Variants in METAP2 observed in about 807,000 individuals in gnomAD.
METAP2 encodes the protein methionyl aminopeptidase 2.
Under a neutral mutation model 59.4 loss-of-function variants are expected in METAP2, and 25 were observed. The ratio of observed to expected loss-of-function variants is 0.42; its 90% CI spans 0.31 to 0.59. The LOEUF (loss-of-function observed/expected upper bound fraction) is 0.59. Among genes scored for constraint, METAP2 ranks in the 20% least tolerant of loss-of-function variants. The pLI, the probability that METAP2 is intolerant of heterozygous loss-of-function variation, is 0.16. For missense variants in METAP2, 366 were observed against 581.2 expected (o/e 0.63, Z 3.81); for synonymous variants, 214 against 194.1 (o/e 1.10, Z -0.85).
intron 2 of METAP2, among the ~76,000 whole-genome samples, chr12:95,480,312 C>T (rs2076149424): frequency 6.6e-6 from 1 of 152,152 alleles, no homozygotes; most frequent in Admixed American, 6.5e-5. Flanking sequence ...CAGTTTTGGT[C>T]TGTTGTGAAC....
intron 2 of METAP2, among the ~76,000 whole-genome samples, chr12:95,476,944 A>G (rs1182512439): frequency 1.3e-5 from 2 of 152,008 alleles, no homozygotes; most frequent in African/African-American, 4.8e-5. Flanking sequence ...ATTTATTTTG[A>G]CTTTACCCAG....
At chr12:95,481,267 C>T (rs1169047316) in intron 2 of METAP2, among the ~76,000 whole-genome samples, 1 of 152,076 alleles carries the variant, frequency 6.6e-6, no homozygotes, top group African/African-American at 2.4e-5. Flanking sequence ...AAACATTAGC[C>T]AGGTATAGTG....
intron 2 of METAP2, among the ~76,000 whole-genome samples, chr12:95,482,438 T>G (rs1454720892): frequency 6.6e-6 from 1 of 152,122 alleles, no homozygotes; most frequent in African/African-American, 2.4e-5. Context: ...TACTGTTCTC[T>G]TCTGCCTGCT....
At position 95,504,061 on chromosome 12, in the gene METAP2, T is replaced by A. The variant is rs758593631; in HGVS notation, c.868-4T>A. On this transcript the variant is annotated splice_region_variant and splice_polypyrimidine_tract_variant and intron_variant, in intron 7 of 10. Coordinates refer to ENST00000323666, the MANE Select transcript of METAP2 (RefSeq NM_006838.4). ...TAATAAAGCATATGTTACTCTTTTT[T>A]TAGTGTGCTGGAATTGATGTTCGTC... is the stretch of plus-strand genomic sequence containing the variant. 4.4e-6 allele frequency: 7 copies of A among 1,608,792 alleles called. No homozygotes were observed. The Admixed American group carries it at 1.2e-4, about 27-fold the overall frequency.
At chr12:95,492,193 G>A (rs1316548634) in intron 4 of METAP2, among the ~76,000 whole-genome samples, 2 of 151,692 alleles carry the variant, frequency 1.3e-5, no homozygotes, top group Non-Finnish European at 2.9e-5. Flanking sequence ...TGGAGACAGG[G>A]TCCCACTGTG....
At chr12:95,502,201 T>C (rs1366591354) in intron 7 of METAP2, among the ~76,000 whole-genome samples, 1 of 152,010 alleles carries the variant, frequency 6.6e-6, no homozygotes, top group Non-Finnish European at 1.5e-5. Context: ...GATGGGGGTC[T>C]CACTTTGTTG....
chr12:95,502,305 C>G (rs939225370), intron 7 of METAP2, among the ~76,000 whole-genome samples: 5 of 152,140 alleles, frequency 3.3e-5, no homozygotes, highest in African/African-American at 1.2e-4. Flanking sequence ...CACGCCTAGC[C>G]TGATTTCTTT....
intron 1 of METAP2, among the ~76,000 whole-genome samples, chr12:95,475,500 C>T (rs986132136): frequency 1.3e-5 from 2 of 152,202 alleles, no homozygotes; most frequent in Non-Finnish European, 2.9e-5. Context: ...CACTTCATTT[C>T]GTGCTACCTG....
chr12:95,497,114 C>T (rs761536055), intron 7 of METAP2, among the ~76,000 whole-genome samples: 5 of 152,044 alleles, frequency 3.3e-5, no homozygotes, highest in Non-Finnish European at 7.4e-5. Flanking sequence ...CGTGATTCAC[C>T]GCGCCTGGCC....
intron 4 of METAP2, among the ~76,000 whole-genome samples, chr12:95,487,059 A>G (rs184110206): frequency 1.3e-3 from 204 of 152,282 alleles, no homozygotes; most frequent in African/African-American, 4.6e-3. Flanking sequence ...TCATCCATAA[A>G]ATGGGCACTC....
At position 95,515,123 on chromosome 12, in the gene METAP2, T is replaced by A. The variant is rs200291921; in HGVS notation, c.*1219T>A. ...TAGCCTTAATTTGTATATGTTTCAG[T>A]ACAATGAGATTTTATTGCCTCTGGG... On this transcript the variant is annotated 3_prime_UTR_variant, in exon 11 of 11. Coordinates refer to ENST00000323666, the MANE Select transcript of METAP2 (RefSeq NM_006838.4). 2.0e-4 allele frequency: 30 copies of A among 152,810 alleles called. No homozygotes were observed. The highest frequency in any genetic ancestry group is 7.0e-4 in the African/African-American group (29 of 41,594). 9.5% of individuals were successfully genotyped at this position (152,810 alleles called of 1,614,324 possible).
chr12:95,490,089 A>G (rs1480988210), intron 4 of METAP2, among the ~76,000 whole-genome samples: 3 of 151,334 alleles, frequency 2.0e-5, no homozygotes, highest in African/African-American at 7.3e-5. Context: ...GTCTGTATAT[A>G]TATAGTTTTT....
At chr12:95,476,539 A>AGAGAG (rs773224806) in intron 2 of METAP2, among the ~76,000 whole-genome samples, 31 of 148,580 alleles carry the variant, frequency 2.1e-4, no homozygotes, top group African/African-American at 3.8e-4. Context: ...AGAAAGAAAG[A>AGAGAG]AAAGCTAGAA....
chr12:95,483,052 G>C (rs2076170366), intron 2 of METAP2, among the ~76,000 whole-genome samples, 163 bp from the exon 3 acceptor site: 1 of 152,156 alleles, frequency 6.6e-6, no homozygotes, highest in Admixed American at 6.5e-5. Context: ...CCTGGTAGCT[G>C]CTTCCTATTT....
chr12:95,511,745 G>A (rs1350935410), intron 8 of METAP2, 150 bp from the exon 9 acceptor site: 12 of 570,306 alleles, frequency 2.1e-5, no homozygotes, highest in Non-Finnish European at 3.1e-6. Flanking sequence ...CTAGATTCCA[G>A]TTTATATTAA....
At chr12:95,480,920 T>C (rs2076153998) in intron 2 of METAP2, among the ~76,000 whole-genome samples, 1 of 152,248 alleles carries the variant, frequency 6.6e-6, no homozygotes, top group Admixed American at 6.5e-5. Context: ...AAGTCATTGC[T>C]GTCTCTAAGG....
Position 95,483,293 on chromosome 12 carries a change from A to T in METAP2, c.325+13A>T, listed in dbSNP as rs774763473. On this transcript the variant is annotated intron_variant, in intron 3 of 10. Coordinates refer to ENST00000323666, the MANE Select transcript of METAP2 (RefSeq NM_006838.4). ...AAGAAGAGAGGACGTTAGTGTCTTA[A>T]GTTAATGTTAATTGATATATTAGAA... 6.3e-7 allele frequency: 1 copy of T among 1,588,436 alleles called. No homozygotes were observed. Among genetic ancestry groups the T allele is most frequent in the South Asian group, 1.1e-5 (1 of 90,502 alleles).
rs527477887 is a variant in METAP2, at chr12:95,507,377, C to T, written c.964+3216C>T. On this transcript the variant is annotated intron_variant, in intron 8 of 10. Coordinates refer to ENST00000323666, the MANE Select transcript of METAP2 (RefSeq NM_006838.4). The stretch of plus-strand genomic sequence containing the variant: ...GCTCTTCCAAATCGCTCTTCGCATC[C>T]AGGAAATTACTTACCTGATGAGAAA... Among the ~76,000 whole-genome samples, 5 of 152,374 alleles carry T rather than the reference C, an allele frequency of 3.3e-5. No homozygotes were observed. In the South Asian group the frequency reaches 1.0e-3, roughly 32 times the overall value.
intron 8 of METAP2, among the ~76,000 whole-genome samples, chr12:95,510,553 GC>G (rs1215258555): frequency 6.6e-6 from 1 of 152,116 alleles, no homozygotes; most frequent in African/African-American, 2.4e-5. Context: ...TGCCTCCATG[GC>G]CCAAACTCCT....
Sources: allele counts gnomAD v4.1 joint callset (sites outside exome capture counted in the v4.1 genomes callset), GRCh38; gene constraint gnomAD v4.1.1; transcripts MANE v1.5; gene names NCBI Gene and HGNC (gene_info 2026-07-23, HGNC 2026-07-21).